Variants in ZBTB40 observed in about 807,000 individuals in gnomAD.
The protein encoded by ZBTB40 is zinc finger and BTB domain-containing protein 40.
Under a neutral mutation model 117.5 loss-of-function variants are expected in ZBTB40, and 60 were observed. That is an observed-to-expected ratio of 0.51 (90% CI 0.41 to 0.63). ZBTB40 has a LOEUF of 0.63. ZBTB40 is among the 30% of genes least tolerant of loss of function. The pLI is 0.00. For missense variants in ZBTB40, 1,287 were observed against 1,498.5 expected (o/e 0.86, Z 2.33); for synonymous variants, 525 against 577.1 (o/e 0.91, Z 1.29).
chr1:22,520,336 T>G, intron 14 of ZBTB40, 61 bp downstream of exon 14: 2 of 1,388,530 alleles, frequency 1.4e-6, no homozygotes, highest in South Asian at 2.3e-5. Flanking sequence ...CCATTTGATC[T>G]TCCCTGATGC....
At position 22,527,423 on chromosome 1, in the gene ZBTB40, G is replaced by A. The variant is rs964184526; in HGVS notation, c.*1027G>A. On this transcript the variant is annotated 3_prime_UTR_variant, in exon 18 of 18. Coordinates refer to ENST00000375647, the MANE Select transcript of ZBTB40 (RefSeq NM_014870.4). ...ACTTATTGCAGGTCAGTGATCCTTT[G>A]GAGTTTGAATTTCACAAAGCTTTTT... 6.6e-6 allele frequency: 1 copy of A among 152,330 alleles called. No individual in the cohort carries two copies. The highest frequency in any genetic ancestry group is 1.5e-5 in the Non-Finnish European group (1 of 68,032). 9.4% of individuals were successfully genotyped at this position (152,330 alleles called of 1,614,324 possible). A position where few individuals can be genotyped will look rare whatever the true frequency, so the allele number is the denominator to read the frequency against.
intron 1 of ZBTB40, among the ~76,000 whole-genome samples, chr1:22,429,260 T>C (rs1321906037): frequency 6.6e-6 from 1 of 152,000 alleles, no homozygotes; most frequent in Non-Finnish European, 1.5e-5. Flanking sequence ...CGGGCGCCTG[T>C]AGTCCCAGCT....
In ZBTB40 at chr1:22,511,041, C is replaced by G. The variant is rs1468180855; in HGVS notation, c.1834-138C>G. The G allele has an allele frequency of 1.5e-5, 16 of 1,094,300 alleles. No individual in the cohort carries two copies. In the East Asian group the frequency reaches 3.5e-4, roughly 24 times the overall value. The allele number at this position is 1,094,300 out of a possible 1,614,324, so 67.8% of individuals were successfully genotyped here. ...ACAGAGCTGTCCACTACATTTATCA[C>G]AAGGCGATGTATAAACTGCTTATAA... On this transcript the variant is annotated intron_variant, in intron 9 of 17. Transcript: ENST00000375647.
chr1:22,449,933 G>A (rs961965213), upstream of ZBTB40, among the ~76,000 whole-genome samples: 4 of 144,152 alleles, frequency 2.8e-5, no homozygotes, highest in East Asian at 2.2e-4. Context: ...CCATTAATTC[G>A]ATAAATATTT....
intron 1 of ZBTB40, among the ~76,000 whole-genome samples, chr1:22,457,707 G>A (rs1480085710): frequency 3.3e-5 from 5 of 152,246 alleles, no homozygotes; most frequent in South Asian, 4.1e-4. Context: ...TTGTTAGCTA[G>A]TGTTAGCTAT....
intron 1 of ZBTB40, among the ~76,000 whole-genome samples, chr1:22,464,260 G>C (rs1641200725): frequency 6.6e-6 from 1 of 152,214 alleles, no homozygotes; most frequent in Non-Finnish European, 1.5e-5. Flanking sequence ...TCGCACCCGG[G>C]TAGTCTGGCT....
chr1:22,442,440 C>T (rs903768766), intron 1 of ZBTB40, among the ~76,000 whole-genome samples: 4 of 149,050 alleles, frequency 2.7e-5, no homozygotes, highest in African/African-American at 9.9e-5. Flanking sequence ...GGTTGTTTGT[C>T]GCCACAGTCA....
chr1:22,480,057 C>T (rs980637782), intron 1 of ZBTB40, among the ~76,000 whole-genome samples: 3 of 152,130 alleles, frequency 2.0e-5, no homozygotes, highest in African/African-American at 7.2e-5. Flanking sequence ...CAGGCACCCC[C>T]CCACCACGCC....
intron 1 of ZBTB40, among the ~76,000 whole-genome samples, chr1:22,433,751 A>C (rs1640633740): frequency 6.6e-6 from 1 of 151,384 alleles, no homozygotes; most frequent in Non-Finnish European, 1.5e-5. Context: ...CACTTCTTTA[A>C]AACTACATAA....
At chr1:22,502,217 A>G in intron 4 of ZBTB40, 82 bp from the exon 5 acceptor site, 1 of 1,503,084 alleles carries the variant, frequency 6.7e-7, no homozygotes, top group Non-Finnish European at 9.1e-7. Context: ...CTATTCTGTT[A>G]GATCTCTCTT....
chr1:22,491,933 T>C (rs906455649), intron 3 of ZBTB40, among the ~76,000 whole-genome samples: 4 of 152,218 alleles, frequency 2.6e-5, no homozygotes, highest in East Asian at 1.9e-4. Context: ...TATAAACTTA[T>C]AAATTATTGG....
intron 14 of ZBTB40, among the ~76,000 whole-genome samples, chr1:22,520,749 A>G (rs772516315): frequency 3.3e-5 from 5 of 152,214 alleles, no homozygotes; most frequent in South Asian, 2.1e-4. Flanking sequence ...TAGAACTAAA[A>G]AGAAACTGCA....
intron 6 of ZBTB40, among the ~76,000 whole-genome samples, chr1:22,506,473 G>T (rs750921827): frequency 1.3e-5 from 2 of 152,198 alleles, no homozygotes; most frequent in Non-Finnish European, 2.9e-5. Flanking sequence ...TGTGGCTCAG[G>T]ATTTATTAAC....
chr1:22,445,153 G>T (rs1228254604), intron 1 of ZBTB40, among the ~76,000 whole-genome samples: 1 of 152,268 alleles, frequency 6.6e-6, no homozygotes, highest in Non-Finnish European at 1.5e-5. Flanking sequence ...CTCCTGCCCT[G>T]CTCATGTCTG....
At chr1:22,503,322 A>T (rs1638992543) in intron 5 of ZBTB40, among the ~76,000 whole-genome samples, 1 of 151,054 alleles carries the variant, frequency 6.6e-6, no homozygotes, top group South Asian at 2.1e-4. Context: ...CTAGCTGCTA[A>T]AATCCTCATA....
At chr1:22,521,709 C>A (rs1419467998) in intron 15 of ZBTB40, 51 bp downstream of exon 15, 1 of 1,611,066 alleles carries the variant, frequency 6.2e-7, no homozygotes, top group East Asian at 2.2e-5. Context: ...GATGGTGTAG[C>A]CTCCTGGGCC....
intron 3 of ZBTB40, among the ~76,000 whole-genome samples, chr1:22,496,063 T>C (rs1324060860): frequency 6.6e-6 from 1 of 152,236 alleles, no homozygotes; most frequent in Non-Finnish European, 1.5e-5. Flanking sequence ...GCAGCAGAGA[T>C]GCTATAGATC....
chr1:22,518,775 G>A (rs1396627847), intron 13 of ZBTB40, among the ~76,000 whole-genome samples: 1 of 152,190 alleles, frequency 6.6e-6, no homozygotes. Context: ...TCCAGTTACA[G>A]TAGGCTTCCA....
Position 22,526,105 on chromosome 1 carries a change from A to G in ZBTB40, c.3526-97A>G, listed in dbSNP as rs190154231. 4.6e-5 allele frequency: 67 copies of G among 1,452,580 alleles called. No homozygotes were observed. The Admixed American group carries it at 1.1e-3, about 25-fold the overall frequency. 90.0% of individuals were successfully genotyped at this position (1,452,580 alleles called of 1,614,324 possible). ...GTAAGTGCTCTCCTCAGGTGAAAAC[A>G]TAAATATCATCATTACAGCATGAGA... On this transcript the variant is annotated intron_variant, in intron 17 of 17. Transcript: ENST00000375647.
Sources: allele counts gnomAD v4.1 joint callset (sites outside exome capture counted in the v4.1 genomes callset), GRCh38; gene constraint gnomAD v4.1.1; transcripts MANE v1.5; gene names NCBI Gene and HGNC (gene_info 2026-07-23, HGNC 2026-07-21).